The following FAAP100 variants were observed in gnomAD, a reference collection of about 807,000 sequenced individuals.
FAAP100 encodes FA core complex associated protein 100.
Under a neutral mutation model 65.8 loss-of-function variants are expected in FAAP100, and 46 were observed. The observed-to-expected ratio is 0.70, with a 90% CI of 0.55 to 0.89. The LOEUF is 0.89. Ranked by LOEUF, FAAP100 falls within the 40% of genes least tolerant of loss-of-function variation. The pLI, the probability that FAAP100 is intolerant of heterozygous loss-of-function variation, is 0.00. For synonymous variants in FAAP100, 663 were observed against 555.1 expected, an observed-to-expected ratio of 1.19 and a Z score of -2.73; for missense variants, 1,165 against 1,196.7, an observed-to-expected ratio of 0.97 and a Z score of 0.39.
At chr17:81,550,052 C>G (rs1299865778) in intron 3 of FAAP100, among the ~76,000 whole-genome samples, 196 bp downstream of exon 3, 1 of 152,230 alleles carries the variant, frequency 6.6e-6, no homozygotes, top group Non-Finnish European at 1.5e-5. Flanking sequence ...ACCCCAGAGG[C>G]AGAGCAACAG....
In FAAP100 at chr17:81,550,715, G is replaced by A; in HGVS notation, c.779C>T (p.Thr260Ile). ...TGGGTCACCAGGGGCTGACCTGGAG[G>A]TGACCAGGGCCTTCAGGATCACACA... ...LCCVILKALV[T>I]SRSAPGDPNA... The change falls in exon 3 of 9, where the codon ACC (threonine) becomes ATC (isoleucine). Residue 260 changes from threonine to isoleucine, a missense_variant. Transcript: ENST00000327787. 5 of 1,612,908 alleles carry A rather than the reference G, an allele frequency of 3.1e-6. No individual in the cohort carries two copies. Among genetic ancestry groups the A allele is most frequent in the Non-Finnish European group, 3.4e-6 (4 of 1,179,946 alleles).
At position 81,550,692 on chromosome 17, in the gene FAAP100, G is replaced by A. The variant is rs780344140; in HGVS notation, c.802C>T (p.Pro268Ser). The change falls in exon 3 of 9, where the codon CCA becomes TCA. Residue 268 changes from proline (P) to serine (S), a missense_variant. Physicochemically the swap from Pro to Ser is moderately conservative, Grantham distance 74. Transcript: ENST00000327787. ...TGGAGGATCTTGACAAGGGCATTTG[G>A]GTCACCAGGGGCTGACCTGGAGGTG... Reference protein sequence around the residue: ...LVTSRSAPGDPNALVKILHHL... With the variant: ...LVTSRSAPGDSNALVKILHHL... 14 of 1,613,002 alleles carry A rather than the reference G, an allele frequency of 8.7e-6. No homozygotes were observed. Among genetic ancestry groups the A allele is most frequent in the Non-Finnish European group, 1.2e-5 (14 of 1,180,010 alleles).
chr17:81,541,102 C>A, intron 8 of FAAP100, 152 bp from the exon 9 acceptor site: 1 of 1,188,842 alleles, frequency 8.4e-7, no homozygotes, highest in Admixed American at 2.6e-5. Flanking sequence ...AAACATGGGA[C>A]ACGCAGCCTG....
chr17:81,541,787 G>A (rs914437854), intron 7 of FAAP100, among the ~76,000 whole-genome samples: 1 of 152,144 alleles, frequency 6.6e-6, no homozygotes, highest in Non-Finnish European at 1.5e-5. Flanking sequence ...TCGGCGTCTT[G>A]TGCAGAGACC....
intron 6 of FAAP100, among the ~76,000 whole-genome samples, chr17:81,544,678 G>A (rs1007900699): frequency 5.3e-5 from 8 of 152,228 alleles, no homozygotes; most frequent in South Asian, 2.1e-4. Flanking sequence ...CCAGGAAGCC[G>A]GGCTTATTCT....
intron 7 of FAAP100, among the ~76,000 whole-genome samples, chr17:81,543,434 G>A (rs193302807): frequency 1.2e-4 from 19 of 152,308 alleles, no homozygotes; most frequent in Admixed American, 3.3e-4. Context: ...CCGCGGGCAC[G>A]AGCTTAGACT....
intron 2 of FAAP100, among the ~76,000 whole-genome samples, chr17:81,551,573 C>G (rs2033496166): frequency 1.3e-5 from 2 of 152,228 alleles, no homozygotes; most frequent in South Asian, 4.1e-4. Flanking sequence ...ATGGTGTCCA[C>G]TGATCACTGA....
chr17:81,548,768 G>A (rs377037432), intron 4 of FAAP100, among the ~76,000 whole-genome samples: 16 of 151,638 alleles, frequency 1.1e-4, no homozygotes, highest in South Asian at 1.0e-3. Flanking sequence ...GGTCGGGCCC[G>A]GTGGCTGACG....
In FAAP100 at chr17:81,550,296, T is replaced by A. The variant is rs1240790684; in HGVS notation, c.1198A>T (p.Asn400Tyr). 1 of 1,611,950 alleles carries A rather than the reference T, an allele frequency of 6.2e-7. No homozygotes were observed. Among genetic ancestry groups the A allele is most frequent in the East Asian group, 2.2e-5 (1 of 44,854 alleles). The change falls in exon 3 of 9, where the codon AAC becomes TAC. Residue 400 changes from asparagine to tyrosine, a missense_variant. By Grantham distance (143) the Asn-to-Tyr change is moderately radical. Coordinates refer to ENST00000327787, the MANE Select transcript of FAAP100 (RefSeq NM_025161.6). ...GACAGCGAGACGACACTGCAGATGT[T>A]CAGGCTGGCTGGGCACAGCATGGGG... is the stretch of plus-strand genomic sequence containing the variant. ...LPPMLCPASL[N>Y]ICSVVSLSAS... is the part of the protein sequence containing the mutation.
intron 4 of FAAP100, chr17:81,548,135 AACCAC>A (rs2033376573): frequency 1.6e-6 from 1 of 606,418 alleles, no homozygotes; most frequent in Non-Finnish European, 3.0e-6. Flanking sequence ...AACAGCCCTA[AACCAC>A]AGGGACCCGG....
Position 81,550,530 on chromosome 17 carries a change from GCA to G in FAAP100, c.962_963del (p.Met321ThrfsTer9), listed in dbSNP as rs770311062. 1 of 1,612,896 alleles carries G rather than the reference GCA, an allele frequency of 6.2e-7. No individual in the cohort carries two copies. Among genetic ancestry groups the G allele is most frequent in the South Asian group, 1.1e-5 (1 of 91,090 alleles). On this transcript the variant is annotated frameshift_variant, in exon 3 of 9. Transcript: ENST00000327787. LOFTEE classifies it high-confidence loss of function. ...CLVAFGHHGR[M>X]LAIKASWDES... The stretch of plus-strand genomic sequence containing the variant: ...TCATCCCAGCTGGCCTTGATGGCCA[GCA>G]TCCGGCCGTGGTGACCAAAGGCCAC...
At chr17:81,546,781 G>T in intron 5 of FAAP100, 128 bp downstream of exon 5, 1 of 1,012,668 alleles carries the variant, frequency 9.9e-7, no homozygotes, top group South Asian at 3.7e-5. Flanking sequence ...TTGAGGCCAG[G>T]AGCTCGAGGC....
In FAAP100 at chr17:81,552,332, G is replaced by A. The variant is rs543172555; in HGVS notation, c.-2C>T. The stretch of plus-strand genomic sequence containing the variant: ...GACCCGCGGCGCGGCGCCGGCCATC[G>A]TGCGCGCGGGCCCGTCAGAGTGAGA... On this transcript the variant is annotated 5_prime_UTR_variant, in exon 1 of 9. In the 5' UTR this introduces an upstream ATG that the reference lacks. Transcript: ENST00000327787. 5.8e-6 allele frequency: 8 copies of A among 1,377,288 alleles called. No homozygotes were observed. The highest frequency in any genetic ancestry group is 3.1e-5 in the East Asian group (1 of 32,424). 85.3% of individuals were successfully genotyped at this position (1,377,288 alleles called of 1,614,324 possible).
chr17:81,547,147 G>C lies in FAAP100; in HGVS notation c.1935C>G (p.His645Gln). The C allele has an allele frequency of 6.5e-7, 1 of 1,538,672 alleles. No individual in the cohort carries two copies. Among genetic ancestry groups the C allele is most frequent in the Non-Finnish European group, 8.8e-7 (1 of 1,141,452 alleles). Residue 645 changes from histidine (H) to glutamine (Q), a missense_variant, in exon 5 of 9, where the codon CAC (histidine) becomes CAG (glutamine). Coordinates refer to ENST00000327787, the MANE Select transcript of FAAP100 (RefSeq NM_025161.6). ...QEGVCLPLSR[H>Q]TVDMLQCLRF... Reference sequence around the variant, plus strand: ...GCAGACACTGCAGCATGTCCACTGTGTGCCTGCTCAGGGGCAGGCAAACAC... The same window carrying C: ...GCAGACACTGCAGCATGTCCACTGTCTGCCTGCTCAGGGGCAGGCAAACAC...
Position 81,552,026 on chromosome 17 carries a change from C to A in FAAP100, c.192G>T (p.Val64=). Reference sequence around the variant, plus strand: ...GCGGCGCCAGCAGCTCCAGGTGCCACACCTGGTCGGGGAACCGGAACGCCG... The same window carrying A: ...GCGGCGCCAGCAGCTCCAGGTGCCAAACCTGGTCGGGGAACCGGAACGCCG... ...LTAAFRFPDQ[V]WHLELLAPRR... Residue 64 remains valine (V), a synonymous_variant, in exon 2 of 9, where the codon GTG becomes GTT. Coordinates refer to ENST00000327787, the MANE Select transcript of FAAP100 (RefSeq NM_025161.6). 6.5e-7 allele frequency: 1 copy of A among 1,547,400 alleles called. No individual in the cohort carries two copies. The highest frequency in any genetic ancestry group is 8.6e-7 in the Non-Finnish European group (1 of 1,157,464).
chr17:81,547,074 C>A lies in FAAP100; in HGVS notation c.2008G>T (p.Gly670Cys). ...GTGGCCACAGGGTCTCGGGTGGGGC[C>A]GAGTGGGGAGGGGGCCCGTGTGTGT... Reference protein sequence around the residue: ...PPHTRAPSPLGPTRDPVATFL... With the variant: ...PPHTRAPSPLCPTRDPVATFL... The change falls in exon 5 of 9, where the codon GGC becomes TGC. Residue 670 changes from glycine to cysteine, a missense_variant. Physicochemically the swap from Gly to Cys is radical, Grantham distance 159 (BLOSUM62 -3). Transcript: ENST00000327787. The A allele has an allele frequency of 2.6e-6, 4 of 1,542,174 alleles. No individual in the cohort carries two copies. The highest frequency in any genetic ancestry group is 3.5e-6 in the Non-Finnish European group (4 of 1,144,798).
In FAAP100 at chr17:81,550,565, T is replaced by C. The variant is rs1397234649; in HGVS notation, c.929A>G (p.Asp310Gly). The C allele has an allele frequency of 1.2e-6, 2 of 1,612,912 alleles. No homozygotes were observed. The highest frequency in any genetic ancestry group is 2.2e-5 in the South Asian group (2 of 91,092). ...NFLPDEDVHC[D>G]CLVAFGHHGR... ...GTGGTGACCAAAGGCCACCAGGCAG[T>C]CACAGTGCACATCCTCGTCAGGCAG... The change falls in exon 3 of 9, where the codon GAC (aspartate) becomes GGC (glycine). Residue 310 changes from aspartate to glycine, a missense_variant. Coordinates refer to ENST00000327787, the MANE Select transcript of FAAP100 (RefSeq NM_025161.6).
intron 7 of FAAP100, among the ~76,000 whole-genome samples, chr17:81,543,293 C>G (rs1598590990): frequency 6.6e-6 from 1 of 152,276 alleles, no homozygotes; most frequent in South Asian, 2.1e-4. Flanking sequence ...TGATAACAAG[C>G]CCAGGTGGAG....
intron 7 of FAAP100, 106 bp downstream of exon 7, chr17:81,543,898 T>G: frequency 3.8e-6 from 4 of 1,048,326 alleles, no homozygotes; most frequent in Non-Finnish European, 5.6e-6. Context: ...TACAACTCCC[T>G]TGCAGGGAGC....
Sources: allele counts gnomAD v4.1 joint callset (sites outside exome capture counted in the v4.1 genomes callset), GRCh38; gene constraint gnomAD v4.1.1; transcripts MANE v1.5; gene names NCBI Gene and HGNC (gene_info 2026-07-23, HGNC 2026-07-21).